THSD7B: variants seen among roughly 807,000 people sequenced by gnomAD.
THSD7B encodes thrombospondin type 1 domain containing 7B, also known as thrombospondin type-1 domain-containing protein 7B.
A neutral mutation model predicts 213.6 loss-of-function variants in THSD7B; 138 were observed. The observed-to-expected ratio is 0.65, with a 90% CI of 0.56 to 0.74. The LOEUF (loss-of-function observed/expected upper bound fraction) is 0.74. Ranked by LOEUF, THSD7B falls within the 30% of genes least tolerant of loss-of-function variation. The probability of loss-of-function intolerance (pLI) is 0.00; values close to 1 mark genes in which losing one functional copy is unlikely to be tolerated. For missense variants in THSD7B, 1,931 were observed against 1,991.5 expected, an observed-to-expected ratio of 0.97 and a Z score of 0.58; for synonymous variants, 742 against 687.0, an observed-to-expected ratio of 1.08 and a Z score of -1.25.
chr2:137,197,660 T>C (rs548792501), intron 7 of THSD7B, among the ~76,000 whole-genome samples: 2 of 152,258 alleles, frequency 1.3e-5, no homozygotes, highest in Admixed American at 6.5e-5. Context: ...TGTTGGCGCT[T>C]TAGAAATGCT....
At chr2:137,126,902 AAGAG>A (rs745628701) in intron 5 of THSD7B, among the ~76,000 whole-genome samples, 10 of 152,054 alleles carry the variant, frequency 6.6e-5, no homozygotes, top group African/African-American at 2.4e-4. Flanking sequence ...GGCCTGAGGA[AAGAG>A]AGAGAGATGG....
intron 2 of THSD7B, among the ~76,000 whole-genome samples, chr2:136,889,497 A>G (rs1359213867): frequency 6.6e-6 from 1 of 152,228 alleles, no homozygotes; most frequent in Non-Finnish European, 1.5e-5. Flanking sequence ...AAATATTTAA[A>G]TCAACAAACA....
intron 15 of THSD7B, among the ~76,000 whole-genome samples, chr2:137,541,318 A>T (rs1442031897): frequency 2.6e-5 from 4 of 151,734 alleles, no homozygotes; most frequent in Admixed American, 6.6e-5. Flanking sequence ...AAAAAAAAAT[A>T]TGGTCCAAAA....
intron 1 of THSD7B, among the ~76,000 whole-genome samples, chr2:136,783,075 ATCT>A (rs1390427768): frequency 6.6e-6 from 1 of 152,198 alleles, no homozygotes; most frequent in Non-Finnish European, 1.5e-5. Flanking sequence ...ATGCATGCTC[ATCT>A]TCTTCATTAT....
chr2:137,500,683 A>G (rs1679681834), intron 15 of THSD7B, among the ~76,000 whole-genome samples: 1 of 152,204 alleles, frequency 6.6e-6, no homozygotes, highest in African/African-American at 2.4e-5. Flanking sequence ...AAATGAAATG[A>G]TATGTGTGTA....
At chr2:137,467,823 C>A (rs1475544194) in intron 15 of THSD7B, among the ~76,000 whole-genome samples, 2 of 152,090 alleles carry the variant, frequency 1.3e-5, no homozygotes, top group Non-Finnish European at 1.5e-5. Context: ...ATCTTGCAAG[C>A]TATTTTCTGT....
intron 15 of THSD7B, among the ~76,000 whole-genome samples, chr2:137,553,174 T>G (rs1489708032): frequency 6.6e-6 from 1 of 152,148 alleles, no homozygotes; most frequent in Non-Finnish European, 1.5e-5. Context: ...TTCTATTGAG[T>G]AGACACAATG....
rs1017762174 is a variant in THSD7B at position 137,328,980 on chromosome 2, G to C, written c.2500+52954G>C. 2.0e-5 allele frequency among the ~76,000 whole-genome samples: 3 copies of C among 152,154 alleles called. No individual in the cohort carries two copies. The East Asian group carries it at 5.8e-4, about 29-fold the overall frequency. On this transcript the variant is annotated intron_variant, in intron 12 of 27. Coordinates refer to ENST00000409968, the MANE Select transcript of THSD7B (RefSeq NM_001316349.2). Reference sequence around the variant, plus strand: ...CAGGCTCAGGCAGTTGTTTATAGCAGTGTGAGAATGGACTAATGCAGTAAA... The same window carrying C: ...CAGGCTCAGGCAGTTGTTTATAGCACTGTGAGAATGGACTAATGCAGTAAA...
chr2:137,064,155 C>G (rs1429310588), intron 3 of THSD7B, among the ~76,000 whole-genome samples: 1 of 151,972 alleles, frequency 6.6e-6, no homozygotes, highest in Non-Finnish European at 1.5e-5. Context: ...TTTCCACATC[C>G]TCACCAGCAT....
chr2:136,921,772 T>G (rs921221518), intron 2 of THSD7B, among the ~76,000 whole-genome samples: 3 of 152,236 alleles, frequency 2.0e-5, no homozygotes, highest in Non-Finnish European at 4.4e-5. Flanking sequence ...AACAGAGTAC[T>G]GTCGTTTTCA....
intron 14 of THSD7B, among the ~76,000 whole-genome samples, chr2:137,423,597 A>G (rs1179321080): frequency 2.0e-5 from 3 of 152,052 alleles, no homozygotes; most frequent in Non-Finnish European, 2.9e-5. Flanking sequence ...AACTTATTAT[A>G]CTCTGAAAAC....
intron 7 of THSD7B, among the ~76,000 whole-genome samples, chr2:137,178,548 G>A (rs549425308): frequency 7.9e-5 from 12 of 152,280 alleles, no homozygotes; most frequent in South Asian, 2.1e-4. Context: ...CAAGTTCCTC[G>A]TTCCCTTTCA....
At chr2:137,476,863 G>C (rs1688205448) in intron 15 of THSD7B, among the ~76,000 whole-genome samples, 1 of 152,074 alleles carries the variant, frequency 6.6e-6, no homozygotes, top group Non-Finnish European at 1.5e-5. Context: ...TTATTCCACT[G>C]TGGTATAGGA....
chr2:137,038,769 C>G (rs920840881), intron 2 of THSD7B, among the ~76,000 whole-genome samples: 1 of 152,202 alleles, frequency 6.6e-6, no homozygotes, highest in African/African-American at 2.4e-5. Flanking sequence ...CTCTGCATAG[C>G]AGGCTATAGT....
At chr2:136,945,784 C>T (rs553493496) in intron 2 of THSD7B, among the ~76,000 whole-genome samples, 3 of 152,250 alleles carry the variant, frequency 2.0e-5, no homozygotes, top group South Asian at 2.1e-4. Context: ...CTTGTGCATG[C>T]GTCACGTGGT....
intron 2 of THSD7B, among the ~76,000 whole-genome samples, chr2:136,961,762 A>G (rs549347659): frequency 1.3e-5 from 2 of 152,226 alleles, no homozygotes; most frequent in Non-Finnish European, 2.9e-5. Flanking sequence ...TCTCTGGAAT[A>G]TGGAAGCAAG....
At chr2:137,427,496 A>G (rs2105034659) in intron 14 of THSD7B, among the ~76,000 whole-genome samples, 1 of 151,894 alleles carries the variant, frequency 6.6e-6, no homozygotes, top group South Asian at 2.1e-4. Context: ...GTGTGTGTGT[A>G]ATGAAATATT....
At chr2:137,405,905 G>T in intron 13 of THSD7B, 98 bp downstream of exon 13, 2 of 1,083,172 alleles carry the variant, frequency 1.8e-6, no homozygotes, top group South Asian at 1.7e-5. Context: ...TTTGCATCAG[G>T]TCTCTTCCTC....
rs147856862 is a variant in THSD7B, at chr2:137,108,748, G to A, written c.1200-6376G>A. Among the ~76,000 whole-genome samples, 211 of 152,248 alleles carry A rather than the reference G, an allele frequency of 1.4e-3. 1 individual carries two copies. Among genetic ancestry groups the A allele is most frequent in the Non-Finnish European group, 1.7e-3 (119 of 68,022 alleles). On this transcript the variant is annotated intron_variant, in intron 4 of 27. Transcript: ENST00000409968. ...TGTTTCTACTCATGCAGATACACTC[G>A]TGAACCATTTCCTGAGTAGACTTAA...
Sources: gnomAD v4.1 joint callset for allele counts (sites outside exome capture counted in the v4.1 genomes callset) on GRCh38, gnomAD v4.1.1 for gene constraint, MANE v1.5 for transcripts, NCBI Gene and HGNC (gene_info 2026-07-23, HGNC 2026-07-21) for gene names.